P4HA3: variants seen among roughly 807,000 people sequenced by gnomAD.
The protein encoded by P4HA3 is prolyl 4-hydroxylase subunit alpha-3.
A neutral mutation model predicts 66.7 loss-of-function variants in P4HA3; 60 were observed. The ratio of observed to expected loss-of-function variants is 0.90; its 90% CI spans 0.73 to 1.12. The LOEUF is 1.12. P4HA3 is among the 50% of genes most tolerant of loss of function. The probability of loss-of-function intolerance (pLI) is 0.00; values close to 1 mark genes in which losing one functional copy is unlikely to be tolerated. For missense variants in P4HA3, 683 were observed against 685.8 expected, an observed-to-expected ratio of 1.00 and a Z score of 0.05; for synonymous variants, 263 against 274.6, an observed-to-expected ratio of 0.96 and a Z score of 0.42.
intron 10 of P4HA3, among the ~76,000 whole-genome samples, chr11:74,271,671 T>C (rs1403282237): frequency 6.6e-6 from 1 of 152,112 alleles, no homozygotes; most frequent in African/African-American, 2.4e-5. Flanking sequence ...TTGGGACTGA[T>C]CTTATGTCCA....
intron 2 of P4HA3, 64 bp from the exon 3 acceptor site, chr11:74,302,656 G>A: frequency 7.1e-7 from 1 of 1,410,716 alleles, no homozygotes; most frequent in South Asian, 1.3e-5. Flanking sequence ...TTTAATACAT[G>A]TAAGGCATGA....
At chr11:74,266,034 A>C (rs1859985194), downstream of P4HA3, among the ~76,000 whole-genome samples, 1 of 152,200 alleles carries the variant, frequency 6.6e-6, no homozygotes, top group South Asian at 2.1e-4. Flanking sequence ...ATATTGAGCC[A>C]CTGCATTGAG....
chr11:74,281,647 T>A (rs1314278529), intron 7 of P4HA3, among the ~76,000 whole-genome samples: 1 of 151,922 alleles, frequency 6.6e-6, no homozygotes, highest in African/African-American at 2.4e-5. Context: ...CACCACATAT[T>A]CTCACTCATA....
intron 9 of P4HA3, among the ~76,000 whole-genome samples, chr11:74,276,407 A>AAT (rs1565407849): frequency 6.6e-6 from 1 of 151,906 alleles, no homozygotes; most frequent in Admixed American, 6.6e-5. Context: ...TACAAAAAAA[A>AAT]TTTTTTTAAA....
chr11:74,258,288 G>A (rs1241115198), intron 15 of P4HA3, among the ~76,000 whole-genome samples: 1 of 152,196 alleles, frequency 6.6e-6, no homozygotes, highest in Admixed American at 6.5e-5. Flanking sequence ...TAGCAGAAAG[G>A]CTGGATTCTT....
At chr11:74,262,315 T>TAGG (rs1421939247), downstream of P4HA3, among the ~76,000 whole-genome samples, 1 of 151,936 alleles carries the variant, frequency 6.6e-6, no homozygotes, top group African/African-American at 2.4e-5. Context: ...ACTCAAACCT[T>TAGG]AGGGAGAATG....
At chr11:74,293,548 T>G (rs1032547767) in intron 4 of P4HA3, among the ~76,000 whole-genome samples, 1 of 152,196 alleles carries the variant, frequency 6.6e-6, no homozygotes, top group African/African-American at 2.4e-5. Context: ...GCCTCGATGG[T>G]CTTTACAATT....
At chr11:74,252,631 T>C (rs1379050930) in intron 15 of P4HA3, 4 of 426,198 alleles carry the variant, frequency 9.4e-6, no homozygotes, top group Non-Finnish European at 1.9e-5. Context: ...TCCTGTGCAT[T>C]GTAGGATGCT....
chr11:74,264,294 T>A (rs1226518184), downstream of P4HA3, among the ~76,000 whole-genome samples: 2 of 152,088 alleles, frequency 1.3e-5, no homozygotes, highest in East Asian at 3.9e-4. Context: ...GAAGTTCAAG[T>A]GGAGTGGTAA....
At chr11:74,304,873 C>T (rs1240136721) in intron 1 of P4HA3, among the ~76,000 whole-genome samples, 1 of 152,120 alleles carries the variant, frequency 6.6e-6, no homozygotes, top group Admixed American at 6.5e-5. Context: ...ACAATTTTTT[C>T]CACGGACCGG....
downstream of P4HA3, among the ~76,000 whole-genome samples, chr11:74,266,183 C>G: frequency 6.6e-6 from 1 of 151,866 alleles, no homozygotes; most frequent in Non-Finnish European, 1.5e-5. Flanking sequence ...TGGAACGTAG[C>G]CGGGGACAGT....
chr11:74,278,574 A>ATAGGGG (rs1860479560), intron 8 of P4HA3, among the ~76,000 whole-genome samples: 1 of 152,178 alleles, frequency 6.6e-6, no homozygotes, highest in Admixed American at 6.5e-5. Context: ...AAAGGGAAGA[A>ATAGGGG]AATACCACCT....
intron 9 of P4HA3, among the ~76,000 whole-genome samples, chr11:74,275,135 T>C (rs1043722056): frequency 1.3e-5 from 2 of 152,240 alleles, no homozygotes; most frequent in Non-Finnish European, 2.9e-5. Context: ...GCTTGTCTTT[T>C]CCTTTTCTAA....
chr11:74,270,914 A>G (rs1019138001), intron 10 of P4HA3, among the ~76,000 whole-genome samples: 3 of 152,248 alleles, frequency 2.0e-5, no homozygotes, highest in Non-Finnish European at 4.4e-5. Flanking sequence ...GATTGTTTTC[A>G]TAGGAAAGAG....
intron 7 of P4HA3, among the ~76,000 whole-genome samples, chr11:74,280,162 A>G (rs1183022339): frequency 6.6e-6 from 1 of 151,952 alleles, no homozygotes; most frequent in African/African-American, 2.4e-5. Context: ...TATTATTATT[A>G]TTATCTTTAG....
intron 15 of P4HA3, chr11:74,254,612 CT>C (rs1289386865): frequency 1.3e-5 from 2 of 153,174 alleles, no homozygotes; most frequent in Non-Finnish European, 2.9e-5. Context: ...CCTCCCACCC[CT>C]GTCCTGCTGC....
chr11:74,267,149 C>T lies in P4HA3; in HGVS notation c.*99G>A. 1 of 1,581,776 alleles carries T rather than the reference C, an allele frequency of 6.3e-7. No homozygotes were observed. The highest frequency in any genetic ancestry group is 2.3e-5 in the East Asian group (1 of 44,340). On this transcript the variant is annotated 3_prime_UTR_variant, in exon 13 of 13. Transcript: ENST00000331597. ...CAGACAAAGCTGACAAGGCCTTCTTCCAGGAGGCTGCTCTGCTTTCTCCTC... is the reference window on the plus strand; with the variant it reads ...CAGACAAAGCTGACAAGGCCTTCTTTCAGGAGGCTGCTCTGCTTTCTCCTC...
chr11:74,268,245 A>T lies in P4HA3; in HGVS notation c.1468-4T>A. 6.2e-7 allele frequency: 1 copy of T among 1,612,646 alleles called. No individual in the cohort carries two copies. The highest frequency in any genetic ancestry group is 8.5e-7 in the Non-Finnish European group (1 of 1,179,296). On this transcript the variant is annotated splice_polypyrimidine_tract_variant and splice_region_variant and intron_variant, in intron 11 of 12. Coordinates refer to ENST00000331597, the MANE Select transcript of P4HA3 (RefSeq NM_182904.5). ...TCCACCAAAACAGTGCTGCATTCTGAAACAAGAGGGCCCAGCCCCAGGGAG... is the reference window on the plus strand; with the variant it reads ...TCCACCAAAACAGTGCTGCATTCTGTAACAAGAGGGCCCAGCCCCAGGGAG...
intron 4 of P4HA3, among the ~76,000 whole-genome samples, chr11:74,293,016 T>G (rs1330806974): frequency 6.6e-6 from 1 of 152,198 alleles, no homozygotes; most frequent in Non-Finnish European, 1.5e-5. Context: ...ACTTTCTGTC[T>G]CATTGATCTG....
Sources: gnomAD v4.1 joint callset for allele counts (sites outside exome capture counted in the v4.1 genomes callset) on GRCh38, gnomAD v4.1.1 for gene constraint, MANE v1.5 for transcripts, NCBI Gene and HGNC (gene_info 2026-07-23, HGNC 2026-07-21) for gene names.